Variants in FER observed in about 807,000 individuals in gnomAD.
The protein encoded by FER is tyrosine-protein kinase Fer.
Under a neutral mutation model 111.0 loss-of-function variants are expected in FER, and 63 were observed. That is an observed-to-expected ratio of 0.57 (90% CI 0.46 to 0.70). The LOEUF is 0.70. Among genes scored for constraint, FER ranks in the 30% least tolerant of loss-of-function variants. FER has a pLI of 0.00. For missense variants in FER, 914 were observed against 954.0 expected (o/e 0.96, Z 0.55); for synonymous variants, 327 against 313.9 (o/e 1.04, Z -0.44).
intron 10 of FER, chr5:108,924,678 A>G: frequency 8.1e-7 from 1 of 1,232,004 alleles, no homozygotes; most frequent in Non-Finnish European, 1.0e-6. Flanking sequence ...AGAAAATGAA[A>G]TGTCCTCATT....
intron 13 of FER, among the ~76,000 whole-genome samples, chr5:108,987,012 T>C (rs1327116045): frequency 2.6e-5 from 4 of 152,174 alleles, no homozygotes; most frequent in African/African-American, 9.7e-5. Flanking sequence ...GGGAATTGCA[T>C]TGAATTTGTA....
chr5:109,036,029 G>A (rs1353053405), intron 13 of FER, among the ~76,000 whole-genome samples: 1 of 152,026 alleles, frequency 6.6e-6, no homozygotes, highest in Admixed American at 6.6e-5. Context: ...TACGAGTTTT[G>A]TATATGTTCT....
chr5:108,749,915 G>A (rs117090425), intron 1 of FER, among the ~76,000 whole-genome samples: 1 of 152,314 alleles, frequency 6.6e-6, no homozygotes, highest in Non-Finnish European at 1.5e-5. Flanking sequence ...CACTTTGTAC[G>A]TTTGCGATTT....
At chr5:108,939,730 A>T (rs113559018) in intron 10 of FER, among the ~76,000 whole-genome samples, 1 of 151,902 alleles carries the variant, frequency 6.6e-6, no homozygotes, top group Non-Finnish European at 1.5e-5. Context: ...ATTTTTCTAT[A>T]TTTTTATTAA....
intron 12 of FER, among the ~76,000 whole-genome samples, 183 bp downstream of exon 12, chr5:108,955,115 A>G (rs1207437347): frequency 6.6e-6 from 1 of 151,910 alleles, no homozygotes; most frequent in East Asian, 1.9e-4. Flanking sequence ...GTTTAAGGAA[A>G]CATGTATTTA....
intron 13 of FER, among the ~76,000 whole-genome samples, chr5:108,967,348 G>C (rs759118399): frequency 3.3e-5 from 5 of 152,194 alleles, no homozygotes; most frequent in Non-Finnish European, 4.4e-5. Flanking sequence ...CTCTCCCAGT[G>C]TGGCTAAGTC....
chr5:109,075,182 A>G lies in FER; in HGVS notation c.1925-25214A>G, dbSNP rs184982528. ...TGTCTCTTTTCTTGTTCTTTTTTAA[A>G]GAGTAATTCCAAAGATTCTGACTAG... On this transcript the variant is annotated intron_variant, in intron 16 of 19. Transcript: ENST00000281092. Among the ~76,000 whole-genome samples the G allele has an allele frequency of 6.6e-3, 1,003 of 152,140 alleles. 5 individuals are homozygous for G. The highest frequency in any genetic ancestry group is 0.011 in the Non-Finnish European group (729 of 67,984).
At chr5:108,770,116 T>C (rs1303148024) in intron 2 of FER, among the ~76,000 whole-genome samples, 2 of 152,116 alleles carry the variant, frequency 1.3e-5, no homozygotes, top group Non-Finnish European at 2.9e-5. Flanking sequence ...GCCCGGCTAA[T>C]TTCGTATTTT....
At chr5:108,754,988 T>G (rs1750923900) in intron 1 of FER, among the ~76,000 whole-genome samples, 2 of 152,242 alleles carry the variant, frequency 1.3e-5, no homozygotes, top group South Asian at 4.1e-4. Flanking sequence ...CAAGTGGTAT[T>G]TCCTGAAACC....
intron 13 of FER, 136 bp downstream of exon 13, chr5:108,959,483 T>G: frequency 1.4e-6 from 1 of 719,184 alleles, no homozygotes; most frequent in Non-Finnish European, 2.1e-6. Context: ...TTTTCTAGCT[T>G]TTATTACTAA....
intron 13 of FER, among the ~76,000 whole-genome samples, chr5:109,004,439 G>C (rs968764146): frequency 6.6e-6 from 1 of 151,868 alleles, no homozygotes; most frequent in African/African-American, 2.4e-5. Context: ...CCAAAACATT[G>C]AAAACAACAG....
At chr5:108,869,160 C>T (rs1764363269) in intron 6 of FER, among the ~76,000 whole-genome samples, 1 of 152,088 alleles carries the variant, frequency 6.6e-6, no homozygotes, top group Non-Finnish European at 1.5e-5. Context: ...CAAAACATTT[C>T]ATTTATAGAC....
chr5:108,878,841 T>G (rs1345612742), intron 8 of FER, among the ~76,000 whole-genome samples: 2 of 152,178 alleles, frequency 1.3e-5, no homozygotes, highest in Non-Finnish European at 2.9e-5. Context: ...TGTACACTTT[T>G]GAAGCATATA....
intron 13 of FER, among the ~76,000 whole-genome samples, chr5:109,003,065 C>T (rs1162989055): frequency 1.3e-5 from 2 of 152,122 alleles, no homozygotes; most frequent in African/African-American, 2.4e-5. Flanking sequence ...GTGGCGATTC[C>T]TCAGGGATCT....
At chr5:109,066,172 A>G (rs1775068273) in intron 16 of FER, among the ~76,000 whole-genome samples, 2 of 152,118 alleles carry the variant, frequency 1.3e-5, no homozygotes, top group African/African-American at 2.4e-5. Context: ...CAGATCATTG[A>G]TAAAGACTTC....
chr5:108,844,607 C>T (rs1051050750), intron 5 of FER, among the ~76,000 whole-genome samples: 1 of 151,966 alleles, frequency 6.6e-6, no homozygotes, highest in Non-Finnish European at 1.5e-5. Flanking sequence ...TGTCTTTCAC[C>T]CCTGAAAAAT....
At chr5:109,076,448 G>A (rs1776353848) in intron 16 of FER, among the ~76,000 whole-genome samples, 1 of 151,632 alleles carries the variant, frequency 6.6e-6, no homozygotes, top group Non-Finnish European at 1.5e-5. Context: ...TTTGTGTTTT[G>A]AGACACGGTC....
chr5:109,030,822 C>G (rs1313039171), intron 13 of FER, among the ~76,000 whole-genome samples: 1 of 152,162 alleles, frequency 6.6e-6, no homozygotes, highest in Non-Finnish European at 1.5e-5. Context: ...TGCATGGAGA[C>G]AAAGAGACTT....
At position 108,865,479 on chromosome 5, in the gene FER, C is replaced by T. The variant is rs1351879142; in HGVS notation, c.482-2288C>T. Reference sequence around the variant, plus strand: ...AATGTTAGACCTAAAACCATAAAAACCCCAGAAGAAAACCTTGGCAATACC... The same window carrying T: ...AATGTTAGACCTAAAACCATAAAAATCCCAGAAGAAAACCTTGGCAATACC... On this transcript the variant is annotated intron_variant, in intron 5 of 19. Coordinates refer to ENST00000281092, the MANE Select transcript of FER (RefSeq NM_005246.4). Among the ~76,000 whole-genome samples, 3 of 152,098 alleles carry T rather than the reference C, an allele frequency of 2.0e-5. No individual in the cohort carries two copies. The East Asian group carries it at 5.8e-4, about 29-fold the overall frequency.
Sources: allele counts gnomAD v4.1 joint callset (sites outside exome capture counted in the v4.1 genomes callset), GRCh38; gene constraint gnomAD v4.1.1; transcripts MANE v1.5; gene names NCBI Gene and HGNC (gene_info 2026-07-23, HGNC 2026-07-21).